PRRG4: variants seen among roughly 807,000 people sequenced by gnomAD.
The protein encoded by PRRG4 is transmembrane gamma-carboxyglutamic acid protein 4.
Under a neutral mutation model 20.0 loss-of-function variants are expected in PRRG4, and 12 were observed. The observed-to-expected ratio is 0.60, with a 90% CI of 0.38 to 0.97. The LOEUF (loss-of-function observed/expected upper bound fraction) is 0.97. Among genes scored for constraint, PRRG4 ranks in the 50% least tolerant of loss-of-function variants. The pLI is 0.00. For missense variants in PRRG4, 199 were observed against 265.1 expected (o/e 0.75, Z 1.73); for synonymous variants, 94 against 96.4 (o/e 0.98, Z 0.15).
At chr11:32,835,574 T>C (rs1851012716) in intron 2 of PRRG4, among the ~76,000 whole-genome samples, 3 of 152,220 alleles carry the variant, frequency 2.0e-5, no homozygotes, top group Non-Finnish European at 1.5e-5. Flanking sequence ...AGCCTGTTCT[T>C]AACCTGTAGT....
intron 5 of PRRG4, among the ~76,000 whole-genome samples, chr11:32,847,985 T>C (rs1045373501): frequency 6.6e-6 from 1 of 152,200 alleles, no homozygotes; most frequent in Non-Finnish European, 1.5e-5. Context: ...AGAGATTACC[T>C]TGGGCTGGGA....
chr11:32,831,746 C>G lies in PRRG4; in HGVS notation c.103+1114C>G, dbSNP rs141720289. Among the ~76,000 whole-genome samples the G allele has an allele frequency of 6.1e-3, 926 of 152,284 alleles. 13 individuals carry two copies. Among genetic ancestry groups the G allele is most frequent in the African/African-American group, 0.021 (869 of 41,548 alleles). On this transcript the variant is annotated intron_variant, in intron 2 of 5. Transcript: ENST00000257836. ...CGGGTATAAGAGACACTCTCGCCGG[C>G]ACGGTGGCTCACACCTGTAATCCTA... is the stretch of plus-strand genomic sequence containing the variant.
intron 5 of PRRG4, among the ~76,000 whole-genome samples, chr11:32,852,498 C>T (rs949575092): frequency 2.0e-5 from 3 of 152,106 alleles, no homozygotes; most frequent in Admixed American, 6.6e-5. Context: ...TCTGGAATTG[C>T]GCCACCTTTC....
At chr11:32,850,711 G>T (rs1851175006) in intron 5 of PRRG4, among the ~76,000 whole-genome samples, 1 of 152,178 alleles carries the variant, frequency 6.6e-6, no homozygotes, top group South Asian at 2.1e-4. Flanking sequence ...GGACAAAGAA[G>T]CTGAGAAAGA....
chr11:32,837,279 T>C (rs1206337077), intron 3 of PRRG4, among the ~76,000 whole-genome samples: 1 of 152,126 alleles, frequency 6.6e-6, no homozygotes, highest in Non-Finnish European at 1.5e-5. Flanking sequence ...AAGTATTTAC[T>C]GGAAGTCTGC....
chr11:32,833,407 T>G (rs1450294767), intron 2 of PRRG4, among the ~76,000 whole-genome samples: 1 of 152,206 alleles, frequency 6.6e-6, no homozygotes, highest in East Asian at 1.9e-4. Context: ...GGTTGTATTT[T>G]TAATAACTCA....
intron 2 of PRRG4, among the ~76,000 whole-genome samples, chr11:32,835,510 A>C (rs969183106): frequency 6.6e-6 from 1 of 152,214 alleles, no homozygotes. Context: ...GAACAAGTTT[A>C]AAGTTTGTGG....
rs2133443512 is a variant in PRRG4, at chr11:32,840,892, G to A, written c.449+653G>A. 6.6e-6 allele frequency among the ~76,000 whole-genome samples: 1 copy of A among 152,172 alleles called. No individual in the cohort carries two copies. The highest frequency in any genetic ancestry group is 1.9e-4 in the East Asian group (1 of 5,178). ...ACTATTTTTATTAACACTTTAAATT[G>A]AAGTTAATAAAATAAAATGCTTACC... is the stretch of plus-strand genomic sequence containing the variant. On this transcript the variant is annotated intron_variant, in intron 5 of 5. Transcript: ENST00000257836. The surrounding 1 kb of genome is among the most constrained non-coding windows in gnomAD (Gnocchi z 4.1).
chr11:32,847,161 C>T (rs566631101), intron 5 of PRRG4, among the ~76,000 whole-genome samples: 63 of 151,944 alleles, frequency 4.1e-4, no homozygotes, highest in South Asian at 8.3e-4. Flanking sequence ...TTTTTTGAGA[C>T]AGAGTTTCGC....
At chr11:32,849,102 C>G (rs1851158234) in intron 5 of PRRG4, among the ~76,000 whole-genome samples, 1 of 152,070 alleles carries the variant, frequency 6.6e-6, no homozygotes, top group Non-Finnish European at 1.5e-5. Context: ...GTGTCTCACG[C>G]CTATAATCCT....
chr11:32,853,602 A>G lies in PRRG4; in HGVS notation c.*75A>G. 1.6e-6 allele frequency: 2 copies of G among 1,217,250 alleles called. No individual in the cohort carries two copies. The highest frequency in any genetic ancestry group is 1.3e-5 in the South Asian group (1 of 77,098). The allele number at this position is 1,217,250 out of a possible 1,614,324, so 75.4% of individuals were successfully genotyped here. On this transcript the variant is annotated 3_prime_UTR_variant, in exon 6 of 6. Coordinates refer to ENST00000257836, the MANE Select transcript of PRRG4 (RefSeq NM_024081.6). ...CATGGTGGCTCATGCCTGTAATCCC[A>G]GCACTTTGGGAGGCCAGGAGTTCGA...
chr11:32,839,591 TTAAA>T (rs1053872637), intron 4 of PRRG4, among the ~76,000 whole-genome samples: 2 of 149,820 alleles, frequency 1.3e-5, no homozygotes, highest in Admixed American at 1.3e-4. Flanking sequence ...TCAAATATTT[TTAAA>T]TAAATAATTT....
At chr11:32,848,707 C>T (rs1851152691) in intron 5 of PRRG4, among the ~76,000 whole-genome samples, 2 of 151,988 alleles carry the variant, frequency 1.3e-5, no homozygotes, top group Admixed American at 6.6e-5. Context: ...GGTGGTGGCT[C>T]ATGCCTGTAA....
At chr11:32,852,939 A>ATTT (rs34615143) in intron 5 of PRRG4, among the ~76,000 whole-genome samples, 8 of 99,120 alleles carry the variant, frequency 8.1e-5, no homozygotes, top group African/African-American at 3.3e-4. Context: ...TGCCCGGCTA[A>ATTT]TTTTTTTTTT....
chr11:32,841,611 T>C (rs1006085788), intron 5 of PRRG4, among the ~76,000 whole-genome samples: 5 of 151,954 alleles, frequency 3.3e-5, no homozygotes, highest in Non-Finnish European at 7.4e-5. Context: ...CTCAAGACCA[T>C]CCTGGGCCAC....
chr11:32,837,425 C>A (rs576910108), intron 3 of PRRG4, among the ~76,000 whole-genome samples: 2 of 151,778 alleles, frequency 1.3e-5, no homozygotes, highest in African/African-American at 4.8e-5. Flanking sequence ...TAACTAAATT[C>A]TGTTAATCTT....
Position 32,840,202 on chromosome 11 carries a change from C to T in PRRG4, c.412C>T (p.Leu138Phe), listed in dbSNP as rs1329938268. The part of the protein sequence containing the change: ...LVIFGLLGYY[L>F]CITKCNRLQH... ...TATTTTTGGATTACTTGGCTACTAT[C>T]TTTGTATCACTAAGTGTAATAGGCT... Residue 138 changes from leucine to phenylalanine, a missense_variant, in exon 5 of 6, where the codon CTT becomes TTT. Transcript: ENST00000257836. The surrounding 1 kb of genome is among the most constrained non-coding windows in gnomAD (Gnocchi z 4.1). The T allele has an allele frequency of 6.2e-7, 1 of 1,605,476 alleles. No individual in the cohort carries two copies. The highest frequency in any genetic ancestry group is 1.3e-5 in the African/African-American group (1 of 74,720).
chr11:32,843,579 A>G (rs1160492858), intron 5 of PRRG4, among the ~76,000 whole-genome samples: 1 of 152,114 alleles, frequency 6.6e-6, no homozygotes, highest in Non-Finnish European at 1.5e-5. Flanking sequence ...GGCACTGAAC[A>G]ATATAATTTA....
At chr11:32,844,631 G>C (rs947048784) in intron 5 of PRRG4, among the ~76,000 whole-genome samples, 7 of 151,872 alleles carry the variant, frequency 4.6e-5, no homozygotes, top group Non-Finnish European at 7.4e-5. Context: ...CTCCCAAGTA[G>C]CTGAGATTAC....
Sources: gnomAD v4.1 joint callset for allele counts (sites outside exome capture counted in the v4.1 genomes callset) on GRCh38, gnomAD v4.1.1 for gene constraint, Gnocchi (gnomAD v3.1) non-coding constraint, MANE v1.5 for transcripts, NCBI Gene and HGNC (gene_info 2026-07-23, HGNC 2026-07-21) for gene names.